Variants in CEP70 observed in about 807,000 individuals in gnomAD.
The protein encoded by CEP70 is centrosomal protein 70, also known as centrosomal protein of 70 kDa.
CEP70 carries 70 observed loss-of-function variants against 90.9 expected under a neutral mutation model. The observed-to-expected ratio is 0.77, with a 90% CI of 0.64 to 0.94. The LOEUF (loss-of-function observed/expected upper bound fraction) is 0.94. Ranked by LOEUF, CEP70 falls within the 40% of genes least tolerant of loss-of-function variation. The pLI is 0.00. For missense variants in CEP70, 648 were observed against 669.0 expected (o/e 0.97, Z 0.35); for synonymous variants, 220 against 228.3 (o/e 0.96, Z 0.33).
At chr3:138,518,303 A>C (rs2036253484) in intron 11 of CEP70, among the ~76,000 whole-genome samples, 1 of 152,198 alleles carries the variant, frequency 6.6e-6, no homozygotes, top group Admixed American at 6.5e-5. Flanking sequence ...GCAGACTTAA[A>C]TGTCCCTGTC....
chr3:138,543,273 C>T (rs2107866631), intron 6 of CEP70, among the ~76,000 whole-genome samples: 1 of 152,304 alleles, frequency 6.6e-6, no homozygotes, highest in South Asian at 2.1e-4. Flanking sequence ...CCATGCCAAG[C>T]TGCCCTCAAC....
At chr3:138,560,853 A>G (rs1308997552) in intron 6 of CEP70, among the ~76,000 whole-genome samples, 1 of 152,088 alleles carries the variant, frequency 6.6e-6, no homozygotes, top group Non-Finnish European at 1.5e-5. Flanking sequence ...CCTCTGAAAA[A>G]AAGGCAGCAG....
At position 138,558,848 on chromosome 3, in the gene CEP70, C is replaced by T. The variant is rs144138635; in HGVS notation, c.465+11470G>A. On this transcript the variant is annotated intron_variant, in intron 6 of 17. Coordinates refer to ENST00000264982, the MANE Select transcript of CEP70 (RefSeq NM_024491.4). ...TAAAAACAGCATAAAAGGAAACCTA[C>T]AAAAACAGCAGGCTATAAAAAGTAA... Among the ~76,000 whole-genome samples the T allele has an allele frequency of 2.5e-3, 380 of 152,188 alleles. 1 individual carries two copies. Among genetic ancestry groups the T allele is most frequent in the African/African-American group, 8.8e-3 (367 of 41,538 alleles).
chr3:138,594,149 C>T (rs1177496757), intron 1 of CEP70, 49 bp downstream of exon 1: 1 of 152,306 alleles, frequency 6.6e-6, no homozygotes, highest in Non-Finnish European at 1.5e-5. Flanking sequence ...CGGGGTACTC[C>T]GGGAAGGGGC....
intron 16 of CEP70, chr3:138,499,892 G>C (rs937445161): frequency 4.4e-6 from 2 of 454,742 alleles, no homozygotes; most frequent in Non-Finnish European, 8.0e-6. Flanking sequence ...AATAAGTTTT[G>C]AAAGTCTTTA....
intron 2 of CEP70, among the ~76,000 whole-genome samples, chr3:138,587,784 T>C (rs1262665782): frequency 1.3e-5 from 2 of 152,016 alleles, no homozygotes; most frequent in African/African-American, 2.4e-5. Flanking sequence ...TCTAAATTAA[T>C]AAATGAATGA....
chr3:138,500,619 C>A, intron 14 of CEP70, 52 bp from the exon 15 acceptor site: 2 of 1,524,350 alleles, frequency 1.3e-6, no homozygotes, highest in Non-Finnish European at 1.8e-6. Context: ...AAAATAATCC[C>A]AAATAAAAAC....
chr3:138,527,011 CAAAA>C lies in CEP70; in HGVS notation c.870-1451_870-1448del, dbSNP rs34709482. On this transcript the variant is annotated intron_variant, in intron 10 of 17. Coordinates refer to ENST00000264982, the MANE Select transcript of CEP70 (RefSeq NM_024491.4). ...ATCATGCTGAGTGAAAGACGATAGA[CAAAA>C]AAAGAGTAAATATTGTATAGCTCCA... 3.3e-5 allele frequency among the ~76,000 whole-genome samples: 5 copies of C among 151,590 alleles called. No individual in the cohort carries two copies. The East Asian group carries it at 9.7e-4, about 29-fold the overall frequency.
chr3:138,549,051 G>A lies in CEP70; in HGVS notation c.466-11704C>T, dbSNP rs192685228. 3.9e-4 allele frequency among the ~76,000 whole-genome samples: 60 copies of A among 152,242 alleles called. No homozygotes were observed. The Middle Eastern group carries it at 0.01, about 26-fold the overall frequency. On this transcript the variant is annotated intron_variant, in intron 6 of 17. Coordinates refer to ENST00000264982, the MANE Select transcript of CEP70 (RefSeq NM_024491.4). The stretch of plus-strand genomic sequence containing the variant: ...TAGAGGAAGGAATGGGAAAAGCCCT[G>A]TGGGCTCTCTGGGTCCCCTGGGAAG...
At position 138,587,334 on chromosome 3, in the gene CEP70, GAT is replaced by G. The variant is rs1464042630; in HGVS notation, c.-6+4518_-6+4519del. On this transcript the variant is annotated intron_variant, in intron 2 of 17. Transcript: ENST00000264982. Reference sequence around the variant, plus strand: ...GAAGAAGAAATATGAAAATGACAAAGATAGGCAAAGAAGCTCAAACATACACA... The same window carrying G: ...GAAGAAGAAATATGAAAATGACAAAGAGGCAAAGAAGCTCAAACATACACA... Among the ~76,000 whole-genome samples, 8 of 151,856 alleles carry G rather than the reference GAT, an allele frequency of 5.3e-5. No homozygotes were observed. The South Asian group carries it at 1.5e-3, about 28-fold the overall frequency.
At chr3:138,509,182 C>T (rs1436645625) in intron 11 of CEP70, among the ~76,000 whole-genome samples, 1 of 152,100 alleles carries the variant, frequency 6.6e-6, no homozygotes, top group Admixed American at 6.5e-5. Flanking sequence ...AAAGACAGCA[C>T]AAGAGAGAAA....
chr3:138,527,641 C>A (rs572653100), intron 10 of CEP70, among the ~76,000 whole-genome samples: 184 of 150,270 alleles, frequency 1.2e-3, no homozygotes, highest in African/African-American at 4.3e-3. Flanking sequence ...GCTGCAGTGA[C>A]CCAACATCGT....
At chr3:138,528,422 C>T (rs911874388) in intron 10 of CEP70, among the ~76,000 whole-genome samples, 2 of 152,152 alleles carry the variant, frequency 1.3e-5, no homozygotes, top group Non-Finnish European at 2.9e-5. Context: ...CCCATGTGCT[C>T]TTGTTCCTTT....
intron 2 of CEP70, among the ~76,000 whole-genome samples, chr3:138,585,010 G>T (rs1483873063): frequency 6.6e-6 from 1 of 152,026 alleles, no homozygotes; most frequent in Non-Finnish European, 1.5e-5. Context: ...GACTAGAATT[G>T]CTCTAGCTAG....
At position 138,521,457 on chromosome 3, in the gene CEP70, G is replaced by A. The variant is rs369014113; in HGVS notation, c.944+4033C>T. Among the ~76,000 whole-genome samples, 15 of 150,402 alleles carry A rather than the reference G, an allele frequency of 1.0e-4. No homozygotes were observed. In the East Asian group the frequency reaches 1.0e-3, roughly 10 times the overall value. ...AAGTGAGGAGTGCCTCTTCCAGGCCGTCATCCTGTCTAGGAAGTGAGGAGC... is the reference window on the plus strand; with the variant it reads ...AAGTGAGGAGTGCCTCTTCCAGGCCATCATCCTGTCTAGGAAGTGAGGAGC... On this transcript the variant is annotated intron_variant, in intron 11 of 17. Transcript: ENST00000264982.
At chr3:138,570,650 T>A (rs1196475945) in intron 5 of CEP70, 152 bp from the exon 6 acceptor site, 2 of 633,916 alleles carry the variant, frequency 3.2e-6, no homozygotes, top group Non-Finnish European at 5.1e-6. Flanking sequence ...ATATTTCAGA[T>A]TTTTTCAGAT....
rs560685628 is a variant in CEP70, at chr3:138,525,303, T to C, written c.944+187A>G. Among the ~76,000 whole-genome samples the C allele has an allele frequency of 3.3e-5, 5 of 152,146 alleles. No individual in the cohort carries two copies. In the East Asian group the frequency reaches 7.7e-4, roughly 24 times the overall value. ...TGGGGAGGGATAGCATTAGGAGATA[T>C]ACCTAATGTTAAATGACGAGTTACT... On this transcript the variant is annotated intron_variant, in intron 11 of 17. Transcript: ENST00000264982.
intron 11 of CEP70, among the ~76,000 whole-genome samples, chr3:138,515,781 T>A (rs1466611308): frequency 6.6e-6 from 1 of 152,208 alleles, no homozygotes; most frequent in African/African-American, 2.4e-5. Context: ...GTGCATGTTA[T>A]ACACTTGCTT....
rs536726900 is a variant in CEP70 at position 138,573,593 on chromosome 3, A to G, written c.-5-661T>C. Among the ~76,000 whole-genome samples, 73 of 152,206 alleles carry G rather than the reference A, an allele frequency of 4.8e-4. 1 individual carries two copies. Among genetic ancestry groups the G allele is most frequent in the Non-Finnish European group, 5.0e-4 (34 of 68,040 alleles). On this transcript the variant is annotated intron_variant, in intron 2 of 17. Transcript: ENST00000264982. Reference sequence around the variant, plus strand: ...TGCATCTGCTCTGTAAAAAAATTCTAAAGAAGCTGCTTCATGCAGAAGACT... The same window carrying G: ...TGCATCTGCTCTGTAAAAAAATTCTGAAGAAGCTGCTTCATGCAGAAGACT...
Sources: gnomAD v4.1 joint callset for allele counts (sites outside exome capture counted in the v4.1 genomes callset) on GRCh38, gnomAD v4.1.1 for gene constraint, MANE v1.5 for transcripts, NCBI Gene and HGNC (gene_info 2026-07-23, HGNC 2026-07-21) for gene names.